NRG1: variants seen among roughly 807,000 people sequenced by gnomAD.
The protein encoded by NRG1 is pro-neuregulin-1, membrane-bound isoform.
In NRG1, 18 loss-of-function variants were observed where a neutral mutation model predicts 63.8. The ratio of observed to expected loss-of-function variants is 0.28; its 90% CI spans 0.19 to 0.42. The LOEUF is 0.42. Ranked by LOEUF, NRG1 falls within the 10% of genes least tolerant of loss-of-function variation. The pLI, the probability that NRG1 is intolerant of heterozygous loss-of-function variation, is 1.00. For missense variants in NRG1, 762 were observed against 814.7 expected (o/e 0.94, Z 0.79); for synonymous variants, 302 against 301.3 (o/e 1.00, Z -0.02).
At chr8:32,549,611 T>G (rs1563622871) in intron 1 of NRG1, among the ~76,000 whole-genome samples, 1 of 152,246 alleles carries the variant, frequency 6.6e-6, no homozygotes, top group Non-Finnish European at 1.5e-5. Context: ...TCTGAATTTT[T>G]GAACCCAATT....
intron 1 of NRG1, among the ~76,000 whole-genome samples, chr8:32,155,029 C>T (rs1411521193): frequency 2.6e-5 from 4 of 152,174 alleles, no homozygotes; most frequent in Non-Finnish European, 5.9e-5. Flanking sequence ...TAAATTTTCA[C>T]CCAACATGCC....
chr8:32,250,392 A>T (rs907772908), intron 1 of NRG1, among the ~76,000 whole-genome samples: 1 of 152,134 alleles, frequency 6.6e-6, no homozygotes, highest in Non-Finnish European at 1.5e-5. Context: ...AGTGGATCAC[A>T]GACTTTTTGC....
At chr8:32,452,651 A>G (rs562660021) in intron 1 of NRG1, among the ~76,000 whole-genome samples, 26 of 151,078 alleles carry the variant, frequency 1.7e-4, no homozygotes, top group African/African-American at 6.1e-4. Context: ...GAGCCATTAC[A>G]TGTTTCAAAA....
At chr8:31,647,308 T>C (rs1210010547) in intron 1 of NRG1, among the ~76,000 whole-genome samples, 1 of 152,238 alleles carries the variant, frequency 6.6e-6, no homozygotes, top group Non-Finnish European at 1.5e-5. Context: ...ATTTTTCTTG[T>C]TTCCAATATC....
chr8:31,646,202 A>G (rs1804270792), intron 1 of NRG1, among the ~76,000 whole-genome samples: 1 of 152,222 alleles, frequency 6.6e-6, no homozygotes, highest in East Asian at 1.9e-4. Context: ...CCAAAGCCCA[A>G]GGCTCTGTCT....
At chr8:32,765,949 C>T (rs1831399153) in exon 12 of NRG1, 3 of 152,126 alleles carry the variant, frequency 2.0e-5, no homozygotes, top group South Asian at 2.1e-4. Flanking sequence ...ATTTGAAACA[C>T]AGAACCCATT....
At chr8:32,733,825 C>T (rs949922627) in intron 6 of NRG1, among the ~76,000 whole-genome samples, 2 of 152,118 alleles carry the variant, frequency 1.3e-5, no homozygotes, top group Non-Finnish European at 2.9e-5. Context: ...AAAGAAAAGA[C>T]TGAAATAAGT....
chr8:31,836,762 C>T (rs1017597679), intron 1 of NRG1, among the ~76,000 whole-genome samples: 3 of 152,060 alleles, frequency 2.0e-5, no homozygotes, highest in Non-Finnish European at 4.4e-5. Context: ...GGACACATAA[C>T]TTTCATGTGT....
At chr8:32,536,718 C>G (rs1832006928) in intron 1 of NRG1, among the ~76,000 whole-genome samples, 1 of 151,482 alleles carries the variant, frequency 6.6e-6, no homozygotes, top group Non-Finnish European at 1.5e-5. Context: ...ATCAGAAGAT[C>G]GAGACCATCC....
chr8:32,771,725 T>A (rs1354753552), downstream of NRG1, among the ~76,000 whole-genome samples: 35 of 112,590 alleles, frequency 3.1e-4, no homozygotes, highest in Admixed American at 6.2e-4. Flanking sequence ...AATATATATA[T>A]ATATATATAT....
At chr8:32,540,991 AGTT>A (rs887956187) in intron 1 of NRG1, among the ~76,000 whole-genome samples, 2 of 152,148 alleles carry the variant, frequency 1.3e-5, no homozygotes, top group African/African-American at 4.8e-5. Context: ...TGCCTTCTTG[AGTT>A]GTTAATACTT....
chr8:31,959,801 ATTTAT>A (rs1805130249), intron 1 of NRG1, among the ~76,000 whole-genome samples: 4 of 109,488 alleles, frequency 3.7e-5, no homozygotes, highest in South Asian at 3.7e-4. Context: ...TTTATTATTT[ATTTAT>A]TTATTTATTT....
intron 5 of NRG1, among the ~76,000 whole-genome samples, chr8:32,642,752 G>A (rs994132658): frequency 1.3e-5 from 2 of 152,144 alleles, no homozygotes; most frequent in African/African-American, 4.8e-5. Context: ...AAATTTAGGA[G>A]CAAGAATAAA....
chr8:31,993,664 C>A (rs1038524847), intron 1 of NRG1, among the ~76,000 whole-genome samples: 3 of 152,104 alleles, frequency 2.0e-5, no homozygotes, highest in Admixed American at 6.6e-5. Context: ...AGTCTCTTTC[C>A]TTTATAAATT....
chr8:32,756,460 C>A (rs758525088), exon 9 of NRG1: 1 of 1,613,736 alleles, frequency 6.2e-7, no homozygotes, highest in Non-Finnish European at 8.5e-7. Context: ...CTGAACGAAA[C>A]AATATGATGA....
chr8:31,707,034 T>G (rs1368755799), intron 1 of NRG1, among the ~76,000 whole-genome samples: 1 of 152,082 alleles, frequency 6.6e-6, no homozygotes. Context: ...TTTGTTATTT[T>G]CTGAAGAATT....
At chr8:32,220,654 T>C (rs879779140) in intron 1 of NRG1, among the ~76,000 whole-genome samples, 1 of 152,206 alleles carries the variant, frequency 6.6e-6, no homozygotes, top group Non-Finnish European at 1.5e-5. Context: ...AAAAATATCC[T>C]TCCCACCAGC....
At chr8:32,398,556 GC>G (rs1195478522) in intron 1 of NRG1, among the ~76,000 whole-genome samples, 1 of 151,940 alleles carries the variant, frequency 6.6e-6, no homozygotes, top group African/African-American at 2.4e-5. Flanking sequence ...GATTACAAGT[GC>G]CCGCCATTAT....
intron 1 of NRG1, among the ~76,000 whole-genome samples, chr8:31,947,082 T>C (rs865866311): frequency 3.3e-5 from 5 of 151,444 alleles, no homozygotes; most frequent in Admixed American, 3.3e-4. Flanking sequence ...GGGTGGATCA[T>C]GAGGTCAGGA....
Sources: gnomAD v4.1 joint callset for allele counts (sites outside exome capture counted in the v4.1 genomes callset) on GRCh38, gnomAD v4.1.1 for gene constraint, MANE v1.5 for transcripts, NCBI Gene and HGNC (gene_info 2026-07-23, HGNC 2026-07-21) for gene names.